SMAP2: variants seen among roughly 807,000 people sequenced by gnomAD.
The protein encoded by SMAP2 is small ArfGAP2.
In SMAP2, 25 loss-of-function variants were observed where a neutral mutation model predicts 56.4. The observed-to-expected ratio is 0.44, with a 90% CI of 0.32 to 0.62. The LOEUF (loss-of-function observed/expected upper bound fraction) is 0.62, where lower values mean the gene tolerates loss of function less well. Among genes scored for constraint, SMAP2 ranks in the 20% least tolerant of loss-of-function variants. The probability of loss-of-function intolerance (pLI) is 0.04; values close to 1 mark genes in which losing one functional copy is unlikely to be tolerated. For missense variants in SMAP2, 388 were observed against 545.6 expected (o/e 0.71, Z 2.88); for synonymous variants, 157 against 181.7 (o/e 0.86, Z 1.09).
At chr1:40,399,710 A>G (rs756266593) in intron 1 of SMAP2, among the ~76,000 whole-genome samples, 23 of 90,186 alleles carry the variant, frequency 2.6e-4, no homozygotes, top group Non-Finnish European at 3.5e-4. Flanking sequence ...TCAAAAAAAA[A>G]AAAAGAAAAG....
chr1:40,353,633 G>A (rs532594444), intron 1 of SMAP2, among the ~76,000 whole-genome samples: 1 of 152,192 alleles, frequency 6.6e-6, no homozygotes. Flanking sequence ...GCCTCCCAAA[G>A]TGCTGGGATT....
intron 2 of SMAP2, among the ~76,000 whole-genome samples, chr1:40,367,773 C>G: frequency 6.7e-6 from 1 of 148,522 alleles, no homozygotes. Flanking sequence ...AATTGACACC[C>G]TAACATCACA....
At chr1:40,348,592 G>T (rs1342613649) in intron 1 of SMAP2, among the ~76,000 whole-genome samples, 1 of 151,812 alleles carries the variant, frequency 6.6e-6, no homozygotes. Context: ...CAAGAGAATC[G>T]CTTGAACCCA....
chr1:40,402,986 T>C (rs1312067692), intron 1 of SMAP2, among the ~76,000 whole-genome samples: 2 of 152,062 alleles, frequency 1.3e-5, no homozygotes, highest in African/African-American at 2.4e-5. Context: ...TGGGGGCATA[T>C]GCAAGCACAA....
intron 5 of SMAP2, among the ~76,000 whole-genome samples, chr1:40,413,480 C>T (rs554259988): frequency 3.9e-5 from 6 of 152,262 alleles, no homozygotes; most frequent in African/African-American, 1.4e-4. Context: ...AAGAACAGTC[C>T]AGAAGTGAGG....
intron 1 of SMAP2, among the ~76,000 whole-genome samples, chr1:40,358,931 C>T (rs1233897783): frequency 3.3e-5 from 5 of 152,144 alleles, no homozygotes; most frequent in African/African-American, 1.2e-4. Flanking sequence ...TATACATCCT[C>T]TTGCTGAATT....
At chr1:40,347,792 A>T (rs1644395347) in intron 1 of SMAP2, among the ~76,000 whole-genome samples, 1 of 152,198 alleles carries the variant, frequency 6.6e-6, no homozygotes, top group Non-Finnish European at 1.5e-5. Context: ...TGTGGTACAT[A>T]TTCTTCCAGC....
chr1:40,394,532 G>A (rs950060994), intron 1 of SMAP2, among the ~76,000 whole-genome samples: 1 of 152,046 alleles, frequency 6.6e-6, no homozygotes, highest in African/African-American at 2.4e-5. Context: ...GACTTTACAA[G>A]GTTCTTCAAT....
chr1:40,374,521 C>A lies in SMAP2; in HGVS notation c.103+298C>A. On this transcript the variant is annotated intron_variant, in intron 1 of 9. Transcript: ENST00000372718. This position sits in a 1 kb window ranked among gnomAD's most constrained non-coding sequence, Gnocchi z 5.9. ...TGAGGGCTCTGAATGAGTTCTGGGC[C>A]GGCTGTCCAGAGAGAGCTCCCAGCA... The A allele has an allele frequency of 2.4e-6, 2 of 848,084 alleles. No homozygotes were observed. Among genetic ancestry groups the A allele is most frequent in the Non-Finnish European group, 1.9e-6 (1 of 525,936 alleles). The allele number at this position is 848,084 out of a possible 1,614,324, so 52.5% of individuals were successfully genotyped here. A position where few individuals can be genotyped will look rare whatever the true frequency, so the allele number is the denominator to read the frequency against.
At chr1:40,402,115 T>G (rs1432606509) in intron 1 of SMAP2, among the ~76,000 whole-genome samples, 3 of 152,248 alleles carry the variant, frequency 2.0e-5, no homozygotes, top group Non-Finnish European at 4.4e-5. Flanking sequence ...GCATTTCTTT[T>G]CATTTTAAAT....
At chr1:40,349,816 G>A (rs187383023) in intron 1 of SMAP2, among the ~76,000 whole-genome samples, 1 of 152,306 alleles carries the variant, frequency 6.6e-6, no homozygotes, top group East Asian at 1.9e-4. Flanking sequence ...ACCATGCCCA[G>A]CCACAAGATT....
chr1:40,371,001 T>C (rs1321168035), upstream of SMAP2, among the ~76,000 whole-genome samples: 3 of 152,040 alleles, frequency 2.0e-5, no homozygotes, highest in African/African-American at 2.4e-5. Flanking sequence ...GGTGAAACCC[T>C]GCCTCTATTA....
chr1:40,374,744 C>T lies in SMAP2; in HGVS notation c.103+521C>T, dbSNP rs1644526681. ...TTGCTTCCTGCTATTTGGTTAGCAA[C>T]TCCTGTCATTTTGCAGCCTTGCTAA... On this transcript the variant is annotated intron_variant, in intron 1 of 9. Coordinates refer to ENST00000372718, the MANE Select transcript of SMAP2 (RefSeq NM_022733.3). This position sits in a 1 kb window ranked among gnomAD's most constrained non-coding sequence, Gnocchi z 5.9. The T allele has an allele frequency of 6.4e-7, 1 of 1,550,542 alleles. No homozygotes were observed. Among genetic ancestry groups the T allele is most frequent in the Non-Finnish European group, 8.7e-7 (1 of 1,146,992 alleles).
At chr1:40,375,748 T>G in intron 1 of SMAP2, 7 of 981,242 alleles carry the variant, frequency 7.1e-6, no homozygotes, top group Non-Finnish European at 8.5e-6. Context: ...ATTTGACAGA[T>G]CTTGAGTCAC....
chr1:40,415,270 A>C lies in SMAP2; in HGVS notation c.572-2A>C, dbSNP rs772820886. ...CATCTTAACTTCGATCTCTCTTTCT[A>C]GATGCTCCTGTGGCCTGCTCCATTG... On this transcript the variant is annotated splice_acceptor_variant, in intron 6 of 9. Transcript: ENST00000372718. LOFTEE classifies it high-confidence loss of function. 6.2e-7 allele frequency: 1 copy of C among 1,610,000 alleles called. No homozygotes were observed. The highest frequency in any genetic ancestry group is 8.5e-7 in the Non-Finnish European group (1 of 1,176,292).
At position 40,390,419 on chromosome 1, in the gene SMAP2, T is replaced by C. The variant is rs141744402; in HGVS notation, c.103+16196T>C. 3.9e-3 allele frequency among the ~76,000 whole-genome samples: 596 copies of C among 152,222 alleles called. 3 individuals carry two copies. The highest frequency in any genetic ancestry group is 0.014 in the African/African-American group (569 of 41,524). On this transcript the variant is annotated intron_variant, in intron 1 of 9. Transcript: ENST00000372718. ...AGGGCTCATTTGCTCACTTAGAAGG[T>C]TTTATGTAGAGCCTCTGCCTGGGTG...
chr1:40,384,375 C>G (rs536534764), intron 1 of SMAP2, among the ~76,000 whole-genome samples: 2 of 152,288 alleles, frequency 1.3e-5, no homozygotes, highest in East Asian at 3.9e-4. Context: ...TCTACCCTGA[C>G]CTGAAAAAAA....
At chr1:40,418,847 A>G (rs1227861385) in intron 9 of SMAP2, among the ~76,000 whole-genome samples, 1 of 152,186 alleles carries the variant, frequency 6.6e-6, no homozygotes, top group African/African-American at 2.4e-5. Context: ...TGTAAAAAAT[A>G]AATATGCAAG....
chr1:40,406,301 T>TA (rs1273283548), intron 1 of SMAP2, among the ~76,000 whole-genome samples: 1 of 152,150 alleles, frequency 6.6e-6, no homozygotes, highest in Non-Finnish European at 1.5e-5. Flanking sequence ...GCAGACACTG[T>TA]AAAAAAATTG....
Sources: allele counts gnomAD v4.1 joint callset (sites outside exome capture counted in the v4.1 genomes callset), GRCh38; gene constraint gnomAD v4.1.1; non-coding constraint Gnocchi (gnomAD v3.1); transcripts MANE v1.5; gene names NCBI Gene and HGNC (gene_info 2026-07-23, HGNC 2026-07-21).